Variants in NLRP5 observed in about 807,000 individuals in gnomAD.
The protein encoded by NLRP5 is NLR family pyrin domain containing 5.
In NLRP5, 93 loss-of-function variants were observed where a neutral mutation model predicts 113.1. That is an observed-to-expected ratio of 0.82 (90% confidence interval 0.70 to 0.98). The LOEUF (loss-of-function observed/expected upper bound fraction) is 0.98. NLRP5 is among the 50% of genes least tolerant of loss of function. The pLI is 0.00. For synonymous variants in NLRP5, 751 were observed against 600.7 expected (o/e 1.25, Z -3.66); for missense variants, 1,808 against 1,514.3 (o/e 1.19, Z -3.22).
intron 1 of NLRP5, among the ~76,000 whole-genome samples, chr19:56,000,557 G>A (rs1218478076): frequency 1.3e-5 from 2 of 151,392 alleles, no homozygotes; most frequent in Admixed American, 1.3e-4. Flanking sequence ...GTAGAGATGG[G>A]GTTTCACCGT....
intron 4 of NLRP5, among the ~76,000 whole-genome samples, chr19:56,018,953 C>G (rs576876194): frequency 3.3e-5 from 5 of 152,268 alleles, no homozygotes; most frequent in African/African-American, 1.2e-4. Flanking sequence ...GCCACCATCC[C>G]TGGCTAACTT....
In NLRP5 at chr19:56,053,943, A is replaced by G; in HGVS notation, c.3299+135A>G. On this transcript the variant is annotated intron_variant, in intron 13 of 14. Transcript: ENST00000390649. The stretch of plus-strand genomic sequence containing the variant: ...AAGTTAGATGGAGTGCAACCTTCGC[A>G]GCACCACAGATCTGGGTATAAGTTC... 4.1e-6 allele frequency: 3 copies of G among 734,546 alleles called. No homozygotes were observed. In the South Asian group the frequency reaches 5.4e-5, roughly 13 times the overall value. The allele number at this position is 734,546 out of a possible 1,614,324, so 45.5% of individuals were successfully genotyped here. A position where few individuals can be genotyped will look rare whatever the true frequency, so the allele number is the denominator to read the frequency against.
chr19:56,043,691 G>A (rs146599005), intron 11 of NLRP5, among the ~76,000 whole-genome samples: 3,464 of 150,584 alleles, frequency 0.023, 127 homozygotes, highest in African/African-American at 0.08. Context: ...TCAGCCTCTC[G>A]AGTAGCTGGT....
At chr19:56,007,218 G>T (rs571339429) in intron 2 of NLRP5, among the ~76,000 whole-genome samples, 1 of 151,296 alleles carries the variant, frequency 6.6e-6, no homozygotes, top group East Asian at 2.0e-4. Context: ...CAAAAAATTA[G>T]CCTGGTGTAG....
the NLRP5 span, among the ~76,000 whole-genome samples, chr19:55,994,485 A>C: frequency 6.6e-6 from 1 of 151,924 alleles, no homozygotes; most frequent in African/African-American, 2.4e-5. Context: ...GTAACCTCCA[A>C]CTCCCTAGTT....
intron 14 of NLRP5, among the ~76,000 whole-genome samples, chr19:56,059,385 G>C (rs971675633): frequency 2.6e-5 from 4 of 152,132 alleles, no homozygotes; most frequent in Admixed American, 2.6e-4. Flanking sequence ...TGTCATTTAG[G>C]AGCTCATATC....
At chr19:56,036,279 G>T (rs1698398686) in intron 9 of NLRP5, among the ~76,000 whole-genome samples, 1 of 151,812 alleles carries the variant, frequency 6.6e-6, no homozygotes, top group African/African-American at 2.4e-5. Context: ...AGGTTAGCCA[G>T]GATGGTCTCG....
chr19:56,033,425 A>G (rs1397104523), intron 8 of NLRP5, 117 bp from the exon 9 acceptor site: 1 of 794,580 alleles, frequency 1.3e-6, no homozygotes, highest in Non-Finnish European at 2.1e-6. Flanking sequence ...GTTGTTTTAA[A>G]AGGAAATACA....
chr19:56,044,893 T>C (rs1407673054), intron 11 of NLRP5, among the ~76,000 whole-genome samples: 2 of 152,210 alleles, frequency 1.3e-5, no homozygotes, highest in Non-Finnish European at 2.9e-5. Context: ...CAGCAATGTT[T>C]TGTAGTTTTC....
chr19:56,040,811 G>A, intron 10 of NLRP5, 111 bp from the exon 11 acceptor site: 2 of 881,830 alleles, frequency 2.3e-6, no homozygotes, highest in Non-Finnish European at 3.4e-6. Flanking sequence ...ATGTCTGCAA[G>A]GACATGCCAA....
At chr19:56,050,299 C>G in intron 11 of NLRP5, 119 bp from the exon 12 acceptor site, 1 of 750,452 alleles carries the variant, frequency 1.3e-6, no homozygotes, top group Non-Finnish European at 2.0e-6. Context: ...GAAAAAAAAA[C>G]AAATATGACC....
At chr19:56,031,490 G>C (rs1983111600) in intron 7 of NLRP5, among the ~76,000 whole-genome samples, 1 of 151,916 alleles carries the variant, frequency 6.6e-6, no homozygotes, top group Non-Finnish European at 1.5e-5. Flanking sequence ...AATTAGCCAG[G>C]CATGGTGGTG....
chr19:56,017,422 A>G (rs867476412), intron 4 of NLRP5, among the ~76,000 whole-genome samples: 16 of 152,194 alleles, frequency 1.1e-4, no homozygotes, highest in Middle Eastern at 3.4e-3. Flanking sequence ...TTATGGCTAT[A>G]AATTTTCCTT....
At chr19:56,019,218 G>T in intron 4 of NLRP5, 124 bp from the exon 5 acceptor site, 2 of 1,087,246 alleles carry the variant, frequency 1.8e-6, no homozygotes, top group Non-Finnish European at 2.7e-6. Context: ...CTGAGACAGT[G>T]GTTGCCATGT....
chr19:56,023,373 C>T (rs1378229551), intron 6 of NLRP5, among the ~76,000 whole-genome samples: 1 of 152,220 alleles, frequency 6.6e-6, no homozygotes, highest in Non-Finnish European at 1.5e-5. Flanking sequence ...CAACACGGCT[C>T]TGTTAACACG....
Position 56,003,798 on chromosome 19 carries a change from T to C in NLRP5, c.145T>C (p.Cys49Arg). Residue 49 changes from cysteine to arginine, a missense_variant, in exon 2 of 15, where the codon TGT (cysteine) becomes CGT (arginine). Transcript: ENST00000390649. ...CCCCCAAAACCTGAGCTCTCAGCCT[T>C]GTATCAAGATGGAAGGAGACAAATC... 6.2e-7 allele frequency: 1 copy of C among 1,613,994 alleles called. No homozygotes were observed. Among genetic ancestry groups the C allele is most frequent in the Non-Finnish European group, 8.5e-7 (1 of 1,179,902 alleles).
At position 56,028,702 on chromosome 19, in the gene NLRP5, T is replaced by G. The variant is rs918209889; in HGVS notation, c.2276+193T>G. ...ATTGTCCACACCTGGGAAAGGTCTT[T>G]CACAATACAGGGCCCCGCCTAAGAC... On this transcript the variant is annotated intron_variant, in intron 7 of 14. Transcript: ENST00000390649. Among the ~76,000 whole-genome samples, 3 of 152,166 alleles carry G rather than the reference T, an allele frequency of 2.0e-5. No homozygotes were observed. In the East Asian group the frequency reaches 5.8e-4, roughly 29 times the overall value.
chr19:56,022,875 C>T (rs1982671059), intron 6 of NLRP5, among the ~76,000 whole-genome samples: 1 of 152,152 alleles, frequency 6.6e-6, no homozygotes, highest in Admixed American at 6.5e-5. Flanking sequence ...CAGGCATGTG[C>T]CACCACACCC....
At chr19:56,024,529 A>G (rs758180394) in intron 6 of NLRP5, among the ~76,000 whole-genome samples, 2 of 53,224 alleles carry the variant, frequency 3.8e-5, no homozygotes, top group Non-Finnish European at 7.1e-5. Flanking sequence ...GTATATGTAT[A>G]CATATGTATA....
Sources: allele counts gnomAD v4.1 joint callset (sites outside exome capture counted in the v4.1 genomes callset), GRCh38; gene constraint gnomAD v4.1.1; transcripts MANE v1.5; gene names NCBI Gene and HGNC (gene_info 2026-07-23, HGNC 2026-07-21).